SLC38A2: variants seen among roughly 807,000 people sequenced by gnomAD.
SLC38A2 encodes the protein solute carrier family 38 member 2, also known as sodium-coupled neutral amino acid symporter 2.
A neutral mutation model predicts 61.5 loss-of-function variants in SLC38A2; 11 were observed. The observed-to-expected ratio is 0.18, with a 90% CI of 0.11 to 0.30. The LOEUF (loss-of-function observed/expected upper bound fraction) is 0.30, where lower values mean the gene tolerates loss of function less well. Ranked by LOEUF, SLC38A2 falls within the 10% of genes least tolerant of loss-of-function variation. The pLI, the probability that SLC38A2 is intolerant of heterozygous loss-of-function variation, is 1.00. For missense variants in SLC38A2, 522 were observed against 600.4 expected, an observed-to-expected ratio of 0.87 and a Z score of 1.36; for synonymous variants, 217 against 212.5, an observed-to-expected ratio of 1.02 and a Z score of -0.18.
At chr12:46,369,446 T>C (rs1413867855) in intron 4 of SLC38A2, among the ~76,000 whole-genome samples, 1 of 152,316 alleles carries the variant, frequency 6.6e-6, no homozygotes, top group South Asian at 2.1e-4. Context: ...TTTCTTTTCA[T>C]GAACATTCTA....
intron 7 of SLC38A2, among the ~76,000 whole-genome samples, chr12:46,366,251 A>G (rs1398839136): frequency 6.6e-6 from 1 of 152,190 alleles, no homozygotes; most frequent in South Asian, 2.1e-4. Flanking sequence ...CTGCACATAC[A>G]TATTTGAAGT....
At position 46,363,964 on chromosome 12, in the gene SLC38A2, A is replaced by T. The variant is rs748998579; in HGVS notation, c.913T>A (p.Cys305Ser). The T allele has an allele frequency of 1.2e-6, 2 of 1,612,278 alleles. No homozygotes were observed. The highest frequency in any genetic ancestry group is 4.5e-5 in the East Asian group (2 of 44,802). ...AVPILIFSFV[C>S]HPAVLPIYEE... ...TAGATGGGAAGAACAGCAGGATGAC[A>T]GACAAATGAAAAGATCAGAATTGGC... Residue 305 changes from cysteine (C) to serine (S), a missense_variant, in exon 11 of 16, where the codon TGT becomes AGT. Cys to Ser is a moderately radical substitution (Grantham distance 112). Around this residue, in one of 3 missense-constraint regions of SLC38A2, gnomAD observed 309 missense variants for 343.9 expected, o/e 0.90. Transcript: ENST00000256689.
At chr12:46,370,967 C>T (rs1943190044) in intron 2 of SLC38A2, 110 bp from the exon 3 acceptor site, 2 of 883,668 alleles carry the variant, frequency 2.3e-6, no homozygotes, top group Non-Finnish European at 3.6e-6. Context: ...TCTGATACAA[C>T]ATCTTTACTT....
In SLC38A2 at chr12:46,364,708, A is replaced by AG. The variant is rs748849616; in HGVS notation, c.647-7dup. 6.5e-5 allele frequency: 104 copies of AG among 1,604,034 alleles called. No individual in the cohort carries two copies. The highest frequency in any genetic ancestry group is 1.6e-4 in the African/African-American group (12 of 74,214). On this transcript the variant is annotated splice_region_variant and splice_polypyrimidine_tract_variant and intron_variant, in intron 8 of 15. Transcript: ENST00000256689. ...ACTGGTATATCCCAAATATCCTATA[A>AG]GGAGGGGTGGCAGGAATCAGTATTA...
intron 15 of SLC38A2, chr12:46,361,972 C>T (rs183248744): frequency 9.1e-6 from 2 of 220,134 alleles, no homozygotes; most frequent in African/African-American, 4.6e-5. Context: ...GCCTGTCACA[C>T]AGTAGGCAGT....
In SLC38A2 at chr12:46,370,597, C is replaced by T. The variant is rs752495315; in HGVS notation, c.229G>A (p.Val77Ile). The T allele has an allele frequency of 6.8e-6, 11 of 1,614,098 alleles. No homozygotes were observed. The highest frequency in any genetic ancestry group is 1.1e-5 in the South Asian group (1 of 91,084). Residue 77 changes from valine to isoleucine, a missense_variant, in exon 4 of 16, where the codon GTA becomes ATA. Around this residue, in one of 3 missense-constraint regions of SLC38A2, gnomAD observed 111 missense variants for 173.4 expected, o/e 0.64. Coordinates refer to ENST00000256689, the MANE Select transcript of SLC38A2 (RefSeq NM_018976.5). ...HPGTTSFGMS[V>I]FNLSNAIVGS... ...ACAATCGCATTGCTCAGATTAAATA[C>T]TGACATTCCAAAGGAAGTAGTACCT...
rs539317548 is a variant in SLC38A2 at position 46,358,344 on chromosome 12, C to A, written c.*2767G>T. On this transcript the variant is annotated 3_prime_UTR_variant, in exon 16 of 16. Transcript: ENST00000256689. The stretch of plus-strand genomic sequence containing the variant: ...ACACTATATACACAAAGTTAATACA[C>A]CCAGGTTCTCAAAGGTCTTCCATTA... The A allele has an allele frequency of 6.6e-6, 1 of 152,644 alleles. No homozygotes were observed. The highest frequency in any genetic ancestry group is 2.1e-4 in the South Asian group (1 of 4,824). 9.5% of individuals were successfully genotyped at this position (152,644 alleles called of 1,614,324 possible). A position where few individuals can be genotyped will look rare whatever the true frequency, so the allele number is the denominator to read the frequency against.
rs572436636 is a variant in SLC38A2 at position 46,358,498 on chromosome 12, G to A, written c.*2613C>T. On this transcript the variant is annotated 3_prime_UTR_variant, in exon 16 of 16. Transcript: ENST00000256689. ...CCAAGATTTCATGAAAAAATTTGAT[G>A]TTGTTTATTGCAAATACAATTTAAA... The A allele has an allele frequency of 1.3e-5, 2 of 152,662 alleles. No individual in the cohort carries two copies. Among genetic ancestry groups the A allele is most frequent in the African/African-American group, 2.4e-5 (1 of 41,564 alleles). The allele number at this position is 152,662 out of a possible 1,614,324, so 9.5% of individuals were successfully genotyped here. A position where few individuals can be genotyped will look rare whatever the true frequency, so the allele number is the denominator to read the frequency against.
intron 1 of SLC38A2, 89 bp from the exon 2 acceptor site, chr12:46,371,468 A>T: frequency 5.1e-6 from 3 of 586,896 alleles, no homozygotes; most frequent in South Asian, 4.0e-5. Context: ...CGGCTGATTC[A>T]TCCCAGGCCA....
Position 46,364,334 on chromosome 12 carries a change from T to TTC in SLC38A2, c.873+53_873+54dup. The TTC allele has an allele frequency of 4.7e-6, 7 of 1,492,860 alleles. No individual in the cohort carries two copies. In the South Asian group the frequency reaches 9.6e-5, roughly 20 times the overall value. 92.5% of individuals were successfully genotyped at this position (1,492,860 alleles called of 1,614,324 possible). ...TCCCTTTACCCTGGGAGTGAATAGC[T>TTC]TCCCTCTTTTCTTCCCTAAACTCTT... On this transcript the variant is annotated intron_variant, in intron 10 of 15. Transcript: ENST00000256689.
chr12:46,358,219 G>C lies in SLC38A2; in HGVS notation c.*2892C>G, dbSNP rs1943042018. On this transcript the variant is annotated 3_prime_UTR_variant, in exon 16 of 16. Transcript: ENST00000256689. ...TTAAGCATGTATTTATTTTAGTTCA[G>C]TTAAAACAAACATACATTGTTTCAT... 6.6e-6 allele frequency: 1 copy of C among 152,576 alleles called. No individual in the cohort carries two copies. Among genetic ancestry groups the C allele is most frequent in the South Asian group, 2.1e-4 (1 of 4,836 alleles). The allele number at this position is 152,576 out of a possible 1,614,324, so 9.5% of individuals were successfully genotyped here. A position where few individuals can be genotyped will look rare whatever the true frequency, so the allele number is the denominator to read the frequency against.
At chr12:46,371,439 G>T in intron 1 of SLC38A2, 60 bp from the exon 2 acceptor site, 1 of 647,134 alleles carries the variant, frequency 1.5e-6, no homozygotes, top group South Asian at 1.8e-5. Flanking sequence ...GTCACGTGAC[G>T]CCGCCCGGAG....
chr12:46,361,146 C>A lies in SLC38A2; in HGVS notation c.1486G>T (p.Asp496Tyr), dbSNP rs901437745. 6.2e-7 allele frequency: 1 copy of A among 1,613,464 alleles called. No homozygotes were observed. The highest frequency in any genetic ancestry group is 8.5e-7 in the Non-Finnish European group (1 of 1,179,624). The change falls in exon 16 of 16, where the codon GAT becomes TAT. Residue 496 changes from aspartate to tyrosine, a missense_variant. Physicochemically the swap from Asp to Tyr is radical, Grantham distance 160. This residue lies in a region of SLC38A2 where 309 missense variants were observed against 343.9 expected (regional missense o/e 0.90). Transcript: ENST00000256689. ...CCTCCAGGTGCATTGTGTACCCAAT[C>A]CAAAACAATCAAGGCCATGCTTCCG... ...MTGSMALIVL[D>Y]WVHNAPGGGH
chr12:46,366,838 T>C, intron 7 of SLC38A2, 26 bp downstream of exon 7: 1 of 1,580,172 alleles, frequency 6.3e-7, no homozygotes, highest in Non-Finnish European at 8.6e-7. Flanking sequence ...AATTGTTTCT[T>C]ATGAGTAACC....
Position 46,370,764 on chromosome 12 carries a change from T to C in SLC38A2, c.198+12A>G, listed in dbSNP as rs201431566. 1.4e-5 allele frequency: 22 copies of C among 1,603,404 alleles called. No individual in the cohort carries two copies. The highest frequency in any genetic ancestry group is 1.9e-5 in the Non-Finnish European group (22 of 1,172,478). On this transcript the variant is annotated intron_variant, in intron 3 of 15. Coordinates refer to ENST00000256689, the MANE Select transcript of SLC38A2 (RefSeq NM_018976.5). ...AAAGCCACTGACAGACAAATTACTATTTTTAACTTACAAATTCTGTTTCAT... is the reference window on the plus strand; with the variant it reads ...AAAGCCACTGACAGACAAATTACTACTTTTAACTTACAAATTCTGTTTCAT...
chr12:46,366,397 G>T (rs949879606), intron 7 of SLC38A2, among the ~76,000 whole-genome samples: 25 of 152,038 alleles, frequency 1.6e-4, no homozygotes, highest in African/African-American at 5.8e-4. Context: ...ATCAGGTGTG[G>T]ATTTTCCACT....
At chr12:46,369,651 A>T (rs1943173841) in intron 4 of SLC38A2, among the ~76,000 whole-genome samples, 1 of 152,224 alleles carries the variant, frequency 6.6e-6, no homozygotes, top group Admixed American at 6.5e-5. Context: ...GCTATGACAC[A>T]AACATCACTG....
Position 46,371,568 on chromosome 12 carries a change from A to T in SLC38A2, c.-86-189T>A. The stretch of plus-strand genomic sequence containing the variant: ...GACGGCGGAGCCGCGGGGAGAACAA[A>T]GATGATGCCACCGCTGTGTTGCGGC... On this transcript the variant is annotated intron_variant, in intron 1 of 15. Coordinates refer to ENST00000256689, the MANE Select transcript of SLC38A2 (RefSeq NM_018976.5). 3 of 422,184 alleles carry T rather than the reference A, an allele frequency of 7.1e-6. No individual in the cohort carries two copies. The South Asian group carries it at 8.5e-5, about 12-fold the overall frequency. The allele number at this position is 422,184 out of a possible 1,614,324, so 26.2% of individuals were successfully genotyped here. A position where few individuals can be genotyped will look rare whatever the true frequency, so the allele number is the denominator to read the frequency against.
chr12:46,366,925 T>C lies in SLC38A2; in HGVS notation c.502A>G (p.Ile168Val), dbSNP rs752304216. ...ACCAAAGGCAACTCATATTTCACTA[T>C]GAAGAGGTAGCTTGACATAGCTGGA... ...NIGAMSSYLF[I>V]VKYELPLVIQ... Residue 168 changes from isoleucine to valine, a missense_variant, in exon 7 of 16, where the codon ATA (isoleucine) becomes GTA (valine). Ile to Val is a conservative substitution (Grantham distance 29, BLOSUM62 3). Around this residue, in one of 3 missense-constraint regions of SLC38A2, gnomAD observed 111 missense variants for 173.4 expected, o/e 0.64. Coordinates refer to ENST00000256689, the MANE Select transcript of SLC38A2 (RefSeq NM_018976.5). 39 of 1,613,862 alleles carry C rather than the reference T, an allele frequency of 2.4e-5. No homozygotes were observed. Among genetic ancestry groups the C allele is most frequent in the Non-Finnish European group, 3.3e-5 (39 of 1,179,952 alleles).
Sources: gnomAD v4.1 joint callset for allele counts (sites outside exome capture counted in the v4.1 genomes callset) on GRCh38, gnomAD v4.1.1 for gene constraint, gnomAD v4.1.1 regional missense constraint, MANE v1.5 for transcripts, NCBI Gene and HGNC (gene_info 2026-07-23, HGNC 2026-07-21) for gene names.